The following ITGBL1 variants were observed in gnomAD, a reference collection of about 807,000 sequenced individuals.
ITGBL1 encodes the protein integrin subunit beta like 1, also known as integrin beta-like protein 1.
A neutral mutation model predicts 68.5 loss-of-function variants in ITGBL1; 51 were observed. The observed-to-expected ratio is 0.74, with a 90% CI of 0.59 to 0.94. The LOEUF (loss-of-function observed/expected upper bound fraction) is 0.94. Ranked by LOEUF, ITGBL1 falls within the 40% of genes least tolerant of loss-of-function variation. The pLI, the probability that ITGBL1 is intolerant of heterozygous loss-of-function variation, is 0.00. For synonymous variants in ITGBL1, 209 were observed against 227.3 expected (o/e 0.92, Z 0.72); for missense variants, 649 against 647.4 (o/e 1.00, Z -0.03).
intron 2 of ITGBL1, among the ~76,000 whole-genome samples, chr13:101,464,250 T>A (rs1210710251): frequency 6.6e-6 from 1 of 152,202 alleles, no homozygotes; most frequent in African/African-American, 2.4e-5. Context: ...CTCTTCTTTA[T>A]CCTGTTTGAT....
chr13:101,652,348 C>A (rs1323069431), intron 7 of ITGBL1, among the ~76,000 whole-genome samples: 1 of 152,034 alleles, frequency 6.6e-6, no homozygotes, highest in Non-Finnish European at 1.5e-5. Context: ...GGCCATGTGA[C>A]CTTATGTAAG....
chr13:101,608,461 G>A (rs1265609015), intron 7 of ITGBL1, among the ~76,000 whole-genome samples: 1 of 151,446 alleles, frequency 6.6e-6, no homozygotes, highest in Non-Finnish European at 1.5e-5. Context: ...TGTTTACAGA[G>A]AGTTTATTTA....
At chr13:101,516,452 G>T (rs1316984885) in intron 2 of ITGBL1, among the ~76,000 whole-genome samples, 1 of 152,090 alleles carries the variant, frequency 6.6e-6, no homozygotes, top group Non-Finnish European at 1.5e-5. Context: ...TGATTCAGTG[G>T]GATTTTGATC....
intron 7 of ITGBL1, among the ~76,000 whole-genome samples, chr13:101,668,256 T>C (rs1181695884): frequency 6.6e-6 from 1 of 152,050 alleles, no homozygotes; most frequent in Non-Finnish European, 1.5e-5. Flanking sequence ...AGCATGGTGG[T>C]GGCCTCCTAT....
chr13:101,575,438 G>A lies in ITGBL1; in HGVS notation c.478G>A (p.Gly160Ser), dbSNP rs780676281. ...ICSNAGTCHC[G>S]RCKCDNSDGS... ...TCATGGTTTAGGTACATGTCACTGTGGCAGGTGTAAGTGTGATAATTCAGA... is the reference window on the plus strand; with the variant it reads ...TCATGGTTTAGGTACATGTCACTGTAGCAGGTGTAAGTGTGATAATTCAGA... The change falls in exon 4 of 11, where the codon GGC becomes AGC. Residue 160 changes from glycine to serine, a missense_variant. Physicochemically the swap from Gly to Ser is moderately conservative, Grantham distance 56. Coordinates refer to ENST00000376180, the MANE Select transcript of ITGBL1 (RefSeq NM_004791.3). 3.1e-6 allele frequency: 5 copies of A among 1,612,938 alleles called. No individual in the cohort carries two copies. The South Asian group carries it at 4.4e-5, about 14-fold the overall frequency.
At chr13:101,717,921 T>G (rs963239751), downstream of ITGBL1, 1 of 152,146 alleles carries the variant, frequency 6.6e-6, no homozygotes, top group Non-Finnish European at 1.5e-5. Context: ...ACAACAAAAG[T>G]GCTGCTCTTT....
At chr13:101,704,175 A>C (rs575129202) in intron 8 of ITGBL1, among the ~76,000 whole-genome samples, 1 of 152,270 alleles carries the variant, frequency 6.6e-6, no homozygotes, top group Non-Finnish European at 1.5e-5. Flanking sequence ...CTGGTCCCCT[A>C]GCCCACTCTT....
At chr13:101,486,354 A>G (rs2048702854) in intron 2 of ITGBL1, among the ~76,000 whole-genome samples, 1 of 152,172 alleles carries the variant, frequency 6.6e-6, no homozygotes, top group African/African-American at 2.4e-5. Context: ...AGGGTGTGAG[A>G]TGGGTGAGGG....
chr13:101,704,193 A>G (rs2034200854), intron 8 of ITGBL1, among the ~76,000 whole-genome samples: 1 of 152,106 alleles, frequency 6.6e-6, no homozygotes, highest in African/African-American at 2.4e-5. Flanking sequence ...CTTTCACTGG[A>G]TACCTGTGTC....
chr13:101,570,854 T>G (rs1487481016), intron 3 of ITGBL1, among the ~76,000 whole-genome samples: 2 of 152,184 alleles, frequency 1.3e-5, no homozygotes, highest in Non-Finnish European at 2.9e-5. Flanking sequence ...TAAGCTAAGT[T>G]TCACTTATTT....
At chr13:101,658,506 C>T (rs958869181) in intron 7 of ITGBL1, among the ~76,000 whole-genome samples, 4 of 152,004 alleles carry the variant, frequency 2.6e-5, no homozygotes, top group African/African-American at 9.7e-5. Flanking sequence ...CTTTTTAAAT[C>T]AGTTAAATTA....
chr13:101,594,541 A>G (rs908252714), intron 6 of ITGBL1, among the ~76,000 whole-genome samples: 4 of 152,248 alleles, frequency 2.6e-5, no homozygotes, highest in South Asian at 2.1e-4. Context: ...TTTTTTGGAT[A>G]TAACACCAGA....
At chr13:101,550,659 A>G (rs189768402) in intron 2 of ITGBL1, among the ~76,000 whole-genome samples, 63 of 152,314 alleles carry the variant, frequency 4.1e-4, no homozygotes, top group Admixed American at 1.0e-3. Flanking sequence ...TCCAAGATAT[A>G]TTGTAGGTGG....
chr13:101,686,762 A>T (rs1370619405), intron 7 of ITGBL1, among the ~76,000 whole-genome samples: 3 of 152,094 alleles, frequency 2.0e-5, no homozygotes, highest in African/African-American at 7.2e-5. Flanking sequence ...CTTCAGACGA[A>T]TATTCAAGTG....
intron 7 of ITGBL1, among the ~76,000 whole-genome samples, chr13:101,642,263 T>C (rs2032407191): frequency 6.6e-6 from 1 of 152,140 alleles, no homozygotes; most frequent in African/African-American, 2.4e-5. Context: ...TTCTAACTGG[T>C]GTGAGATGGT....
intron 2 of ITGBL1, among the ~76,000 whole-genome samples, chr13:101,524,904 C>T (rs1355167708): frequency 1.3e-5 from 2 of 152,110 alleles, no homozygotes; most frequent in East Asian, 1.9e-4. Flanking sequence ...ACAGATGCAT[C>T]GGCTCAACAC....
intron 2 of ITGBL1, among the ~76,000 whole-genome samples, chr13:101,493,975 G>A (rs555792092): frequency 6.6e-6 from 1 of 152,164 alleles, no homozygotes; most frequent in Non-Finnish European, 1.5e-5. Flanking sequence ...CTTAACCCAA[G>A]ATCACATACT....
chr13:101,681,625 A>C (rs144877670), intron 7 of ITGBL1, among the ~76,000 whole-genome samples: 11 of 152,172 alleles, frequency 7.2e-5, no homozygotes, highest in South Asian at 2.1e-4. Context: ...AACCTGTGTC[A>C]TGTGGAAGTG....
chr13:101,587,824 A>C (rs2139300157), intron 6 of ITGBL1, among the ~76,000 whole-genome samples: 1 of 152,318 alleles, frequency 6.6e-6, no homozygotes, highest in Non-Finnish European at 1.5e-5. Flanking sequence ...GAAAGGAAAA[A>C]TTAATATATT....
Sources: allele counts gnomAD v4.1 joint callset (sites outside exome capture counted in the v4.1 genomes callset), GRCh38; gene constraint gnomAD v4.1.1; transcripts MANE v1.5; gene names NCBI Gene and HGNC (gene_info 2026-07-23, HGNC 2026-07-21).